The following RELA variants were observed in gnomAD, a reference collection of about 807,000 sequenced individuals.
RELA encodes the protein transcription factor p65.
In RELA, 14 loss-of-function variants were observed where a neutral mutation model predicts 56.7. That is an observed-to-expected ratio of 0.25 (90% CI 0.16 to 0.39). RELA has a LOEUF of 0.39. Among genes scored for constraint, RELA ranks in the 10% least tolerant of loss-of-function variants. The pLI is 1.00. For missense variants in RELA, 559 were observed against 736.4 expected, an observed-to-expected ratio of 0.76 and a Z score of 2.79; for synonymous variants, 315 against 289.7, an observed-to-expected ratio of 1.09 and a Z score of -0.89.
chr11:65,655,992 T>C, intron 8 of RELA, 57 bp from the exon 9 acceptor site: 1 of 1,451,612 alleles, frequency 6.9e-7, no homozygotes, highest in Middle Eastern at 1.8e-4. Flanking sequence ...TCCCCGACGC[T>C]CTCAAAGGTC....
chr11:65,657,306 A>G (rs1485216529), intron 8 of RELA, among the ~76,000 whole-genome samples: 1 of 152,194 alleles, frequency 6.6e-6, no homozygotes, highest in Non-Finnish European at 1.5e-5. Context: ...ACAGTGGTGG[A>G]GATGTGATCT....
chr11:65,655,009 G>C lies in RELA; in HGVS notation c.1034-9C>G. 2 of 1,585,598 alleles carry C rather than the reference G, an allele frequency of 1.3e-6. No homozygotes were observed. The highest frequency in any genetic ancestry group is 1.7e-6 in the Non-Finnish European group (2 of 1,165,524). On this transcript the variant is annotated splice_polypyrimidine_tract_variant and intron_variant, in intron 10 of 10. Coordinates refer to ENST00000406246, the MANE Select transcript of RELA (RefSeq NM_021975.4). ...GGGATAGGGCTGGGGTGCTGGAGGA[G>C]AGAGACAGAGAGGCAGGGGTCAGAG... is the stretch of plus-strand genomic sequence containing the variant.
chr11:65,663,146 AG>A (rs911251598), upstream of RELA: 100 of 214,072 alleles, frequency 4.7e-4, no homozygotes, highest in African/African-American at 2.2e-3. Flanking sequence ...CCCCGCCTGG[AG>A]GGTGGGTCCG....
At chr11:65,657,500 G>A (rs955654143) in intron 8 of RELA, among the ~76,000 whole-genome samples, 1 of 152,132 alleles carries the variant, frequency 6.6e-6, no homozygotes, top group African/African-American at 2.4e-5. Context: ...GCTTAACCAG[G>A]CCCTCCAATC....
In RELA at chr11:65,654,495, T is replaced by C. The variant is rs373898242; in HGVS notation, c.1539A>G (p.Pro513=). 2.0e-4 allele frequency: 318 copies of C among 1,602,048 alleles called. No individual in the cohort carries two copies. The highest frequency in any genetic ancestry group is 2.5e-4 in the Non-Finnish European group (293 of 1,175,964). ...CCGGGGCCCCCAGTGGAGCAGGAGC[T>C]GGGTCGGGGGGCCTCTGGGCCCCTG... ...LVTGAQRPPD[P]APAPLGAPGL... is the part of the protein sequence containing the mutation. Residue 513 remains proline, a synonymous_variant, in exon 11 of 11, where the codon CCA becomes CCG. Coordinates refer to ENST00000406246, the MANE Select transcript of RELA (RefSeq NM_021975.4).
rs758787487 is a variant in RELA, at chr11:65,659,804, A to G, written c.428-7T>C. 6.2e-6 allele frequency: 10 copies of G among 1,608,144 alleles called. No individual in the cohort carries two copies. In the East Asian group the frequency reaches 1.6e-4, roughly 25 times the overall value. On this transcript the variant is annotated splice_region_variant and splice_polypyrimidine_tract_variant and intron_variant, in intron 5 of 10. Coordinates refer to ENST00000406246, the MANE Select transcript of RELA (RefSeq NM_021975.4). ...CGCTGCTCTTCTATAGGAACTGCCAAGAAAACAGGCGATCAGGAGAGCAGG... is the reference window on the plus strand; with the variant it reads ...CGCTGCTCTTCTATAGGAACTGCCAGGAAAACAGGCGATCAGGAGAGCAGG...
chr11:65,654,311 G>T lies in RELA; in HGVS notation c.*67C>A. 8.1e-6 allele frequency: 13 copies of T among 1,604,806 alleles called. No homozygotes were observed. The highest frequency in any genetic ancestry group is 1.1e-5 in the Non-Finnish European group (13 of 1,173,090). ...GTTGGAACACACCCCACCAGAATCCGTAAGTGCTTTTGGAGGGCTTCAATC... is the reference window on the plus strand; with the variant it reads ...GTTGGAACACACCCCACCAGAATCCTTAAGTGCTTTTGGAGGGCTTCAATC... On this transcript the variant is annotated 3_prime_UTR_variant, in exon 11 of 11. Transcript: ENST00000406246.
At position 65,662,812 on chromosome 11, in the gene RELA, G is replaced by A; in HGVS notation, c.7+14C>T. The stretch of plus-strand genomic sequence containing the variant: ...CCGGCGATGCCACCCCGCGGGGTCA[G>A]AGGGCGACCTCACCGTCCATGGCCG... On this transcript the variant is annotated intron_variant, in intron 1 of 10. Coordinates refer to ENST00000406246, the MANE Select transcript of RELA (RefSeq NM_021975.4). 8.3e-7 allele frequency: 1 copy of A among 1,200,622 alleles called. No homozygotes were observed. The highest frequency in any genetic ancestry group is 1.0e-6 in the Non-Finnish European group (1 of 967,762). The allele number at this position is 1,200,622 out of a possible 1,614,324, so 74.4% of individuals were successfully genotyped here. A position where few individuals can be genotyped will look rare whatever the true frequency, so the allele number is the denominator to read the frequency against.
chr11:65,653,628 A>C lies in RELA; in HGVS notation c.*750T>G, dbSNP rs1856335854. 1 of 152,464 alleles carries C rather than the reference A, an allele frequency of 6.6e-6. No homozygotes were observed. The highest frequency in any genetic ancestry group is 1.5e-5 in the Non-Finnish European group (1 of 68,126). The allele number at this position is 152,464 out of a possible 1,614,324, so 9.4% of individuals were successfully genotyped here. A position where few individuals can be genotyped will look rare whatever the true frequency, so the allele number is the denominator to read the frequency against. On this transcript the variant is annotated 3_prime_UTR_variant, in exon 11 of 11. Transcript: ENST00000406246. Reference sequence around the variant, plus strand: ...AGCTTGGCAACAGATTTATTAGTTCAGAGTAGAAAGAGCAAGAGTCCAAGT... The same window carrying C: ...AGCTTGGCAACAGATTTATTAGTTCCGAGTAGAAAGAGCAAGAGTCCAAGT...
At position 65,659,790 on chromosome 11, in the gene RELA, T is replaced by G. The variant is rs1856518537; in HGVS notation, c.435A>C (p.Ile145=). The change falls in exon 6 of 11, where the codon ATA becomes ATC. Residue 145 remains isoleucine (I), a synonymous_variant. Transcript: ENST00000406246. ...QTNNNPFQVP[I]EEQRGDYDLN... ...GGTCGTAGTCCCCACGCTGCTCTTC[T>G]ATAGGAACTGCCAAGAAAACAGGCG... 2 of 1,610,418 alleles carry G rather than the reference T, an allele frequency of 1.2e-6. No homozygotes were observed. The highest frequency in any genetic ancestry group is 1.7e-6 in the Non-Finnish European group (2 of 1,178,122).
chr11:65,662,079 T>C lies in RELA; in HGVS notation c.44A>G (p.Gln15Arg). The C allele has an allele frequency of 6.2e-7, 1 of 1,610,924 alleles. No homozygotes were observed. ...GATCTCCACATAGGGGCCAGAGGCC[T>C]GGGCTGGCTCTGCCAGGGGACACCG... ...FPLIFPAEPA[Q>R]ASGPYVEIIE... The change falls in exon 3 of 11, where the codon CAG becomes CGG. Residue 15 changes from glutamine to arginine, a missense_variant. Physicochemically the swap from Gln to Arg is conservative, Grantham distance 43. Coordinates refer to ENST00000406246, the MANE Select transcript of RELA (RefSeq NM_021975.4).
rs1346474543 is a variant in RELA, at chr11:65,654,863, G to A, written c.1171C>T (p.Pro391Ser). 3.8e-6 allele frequency: 6 copies of A among 1,569,144 alleles called. No homozygotes were observed. The East Asian group carries it at 6.9e-5, about 18-fold the overall frequency. Residue 391 changes from proline (P) to serine (S), a missense_variant, in exon 11 of 11, where the codon CCA becomes TCA. Pro to Ser is a moderately conservative substitution (Grantham distance 74). This residue lies in a region of RELA where 365 missense variants were observed against 387.5 expected (regional missense o/e 0.94). Coordinates refer to ENST00000406246, the MANE Select transcript of RELA (RefSeq NM_021975.4). ...ATGGCTGGAGCAGGGGCAGGGGCTG[G>A]AGCCTGGGGCAGGACTTGGGGAGGG... is the stretch of plus-strand genomic sequence containing the variant. ...PAPPQVLPQA[P>S]APAPAPAMVS... is the part of the protein sequence containing the mutation.
In RELA at chr11:65,660,153, C is replaced by T. The variant is rs750564559; in HGVS notation, c.398G>A (p.Arg133His). ...KRDLEQAISQ[R>H]IQTNNNPFQV... The stretch of plus-strand genomic sequence containing the variant: ...GAAGGGGTTGTTGTTGGTCTGGATG[C>T]GCTGACTGATAGCCTGCTCCAGGTC... The change falls in exon 5 of 11, where the codon CGC becomes CAC. Residue 133 changes from arginine (R) to histidine (H), a missense_variant. This residue lies in a region of RELA where 149 missense variants were observed against 256.0 expected (regional missense o/e 0.58). Coordinates refer to ENST00000406246, the MANE Select transcript of RELA (RefSeq NM_021975.4). The T allele has an allele frequency of 3.1e-6, 5 of 1,614,144 alleles. No homozygotes were observed. Among genetic ancestry groups the T allele is most frequent in the South Asian group, 2.2e-5 (2 of 91,088 alleles).
chr11:65,661,635 A>G (rs1856569236), intron 4 of RELA, 52 bp downstream of exon 4: 3 of 1,504,820 alleles, frequency 2.0e-6, no homozygotes, highest in East Asian at 2.3e-5. Flanking sequence ...GCTACTTCAT[A>G]GCCCGCCTCC....
chr11:65,657,585 C>T (rs1856462607), intron 8 of RELA, among the ~76,000 whole-genome samples: 1 of 152,180 alleles, frequency 6.6e-6, no homozygotes, highest in African/African-American at 2.4e-5. Context: ...GTTGCCAACA[C>T]CCCTTCCCTT....
intron 6 of RELA, among the ~76,000 whole-genome samples, chr11:65,659,080 G>A (rs1010676439): frequency 2.0e-5 from 3 of 152,014 alleles, no homozygotes; most frequent in African/African-American, 7.3e-5. Context: ...CTGCTCTCCC[G>A]GAGCTTATAG....
At position 65,658,638 on chromosome 11, in the gene RELA, G is replaced by A; in HGVS notation, c.664+80C>T. The A allele has an allele frequency of 2.8e-6, 4 of 1,448,940 alleles. No individual in the cohort carries two copies. Among genetic ancestry groups the A allele is most frequent in the South Asian group, 1.1e-5 (1 of 87,098 alleles). The allele number at this position is 1,448,940 out of a possible 1,614,324, so 89.8% of individuals were successfully genotyped here. A position where few individuals can be genotyped will look rare whatever the true frequency, so the allele number is the denominator to read the frequency against. ...CGAGGCACAGGAGGAAGTATCCAAAGCCAGTTACCTGACACTCCACTTCTC... is the reference window on the plus strand; with the variant it reads ...CGAGGCACAGGAGGAAGTATCCAAAACCAGTTACCTGACACTCCACTTCTC... On this transcript the variant is annotated intron_variant, in intron 7 of 10. Transcript: ENST00000406246. This position sits in a 1 kb window ranked among gnomAD's most constrained non-coding sequence, Gnocchi z 4.5.
rs1856347448 is a variant in RELA, at chr11:65,653,956, G to A, written c.*422C>T. 7.4e-6 allele frequency: 2 copies of A among 271,838 alleles called. No homozygotes were observed. Among genetic ancestry groups the A allele is most frequent in the South Asian group, 6.4e-5 (2 of 31,182 alleles). The allele number at this position is 271,838 out of a possible 1,614,324, so 16.8% of individuals were successfully genotyped here. A position where few individuals can be genotyped will look rare whatever the true frequency, so the allele number is the denominator to read the frequency against. ...CCATACAGGGGCTGGTATCTGGGGC[G>A]TTATTTTGATTAAGCTGTAATGAAT... is the stretch of plus-strand genomic sequence containing the variant. On this transcript the variant is annotated 3_prime_UTR_variant, in exon 11 of 11. Coordinates refer to ENST00000406246, the MANE Select transcript of RELA (RefSeq NM_021975.4).
rs1856361857 is a variant in RELA at position 65,654,388 on chromosome 11, A to T, written c.1646T>A (p.Ile549Asn). The T allele has an allele frequency of 6.2e-7, 1 of 1,613,256 alleles. No individual in the cohort carries two copies. The highest frequency in any genetic ancestry group is 1.7e-5 in the Admixed American group (1 of 59,844). The part of the protein sequence containing the change: ...DMDFSALLSQ[I>N]SS ...GCAGGCGTCACCCCCTTAGGAGCTGATCTGACTCAGCAGGGCTGAGAAGTC... is the reference window on the plus strand; with the variant it reads ...GCAGGCGTCACCCCCTTAGGAGCTGTTCTGACTCAGCAGGGCTGAGAAGTC... Residue 549 changes from isoleucine to asparagine, a missense_variant, in exon 11 of 11, where the codon ATC becomes AAC. Ile to Asn is a moderately radical substitution (Grantham distance 149). Coordinates refer to ENST00000406246, the MANE Select transcript of RELA (RefSeq NM_021975.4).
Sources: gnomAD v4.1 joint callset for allele counts (sites outside exome capture counted in the v4.1 genomes callset) on GRCh38, gnomAD v4.1.1 for gene constraint, gnomAD v4.1.1 regional missense constraint, Gnocchi (gnomAD v3.1) non-coding constraint, MANE v1.5 for transcripts, NCBI Gene and HGNC (gene_info 2026-07-23, HGNC 2026-07-21) for gene names.